Variants in CEP164 observed in about 807,000 individuals in gnomAD.
CEP164 encodes centrosomal protein of 164 kDa.
In CEP164, 162 loss-of-function variants were observed where a neutral mutation model predicts 182.7. The ratio of observed to expected loss-of-function variants is 0.89; its 90% CI spans 0.78 to 1.01. The LOEUF is 1.01. Ranked by LOEUF, CEP164 falls within the 50% of genes least tolerant of loss-of-function variation. The pLI, the probability that CEP164 is intolerant of heterozygous loss-of-function variation, is 0.00. For synonymous variants in CEP164, 661 were observed against 690.0 expected (o/e 0.96, Z 0.66); for missense variants, 1,735 against 1,790.4 (o/e 0.97, Z 0.56).
In CEP164 at chr11:117,409,116, C is replaced by A; in HGVS notation, c.3748+88C>A. ...TAGAAGAAGAGCTCTCTTCCCTCAG[C>A]CCTGCAGAGGGAGGCCTCTGTGAGC... is the stretch of plus-strand genomic sequence containing the variant. On this transcript the variant is annotated intron_variant, in intron 29 of 32. Coordinates refer to ENST00000278935, the MANE Select transcript of CEP164 (RefSeq NM_014956.5). This position sits in a 1 kb window ranked among gnomAD's most constrained non-coding sequence, Gnocchi z 4.4. The A allele has an allele frequency of 6.5e-7, 1 of 1,547,238 alleles. No individual in the cohort carries two copies. Among genetic ancestry groups the A allele is most frequent in the Non-Finnish European group, 8.8e-7 (1 of 1,138,408 alleles).
chr11:117,351,135 C>T (rs574548932), intron 4 of CEP164, among the ~76,000 whole-genome samples: 19 of 152,228 alleles, frequency 1.2e-4, no homozygotes, highest in Non-Finnish European at 2.2e-4. Flanking sequence ...CAGGTTCAAG[C>T]GATTCTCCTG....
Position 117,371,060 on chromosome 11 carries a change from C to A in CEP164, c.766-20C>A. 6.5e-7 allele frequency: 1 copy of A among 1,544,838 alleles called. No individual in the cohort carries two copies. Among genetic ancestry groups the A allele is most frequent in the Non-Finnish European group, 8.7e-7 (1 of 1,146,734 alleles). ...ACATTCCTTTTGTCTTCCTTTCTAACATGGTCTGTTGCTCCCTAGGAGTCT... is the reference window on the plus strand; with the variant it reads ...ACATTCCTTTTGTCTTCCTTTCTAAAATGGTCTGTTGCTCCCTAGGAGTCT... On this transcript the variant is annotated intron_variant, in intron 8 of 32. Transcript: ENST00000278935.
At chr11:117,370,302 G>T (rs543207071) in intron 8 of CEP164, among the ~76,000 whole-genome samples, 1 of 152,240 alleles carries the variant, frequency 6.6e-6, no homozygotes, top group South Asian at 2.1e-4. Flanking sequence ...GGACTCTCCT[G>T]ATAGTTTTTC....
chr11:117,342,053 T>G (rs1025672483), intron 3 of CEP164, among the ~76,000 whole-genome samples: 1 of 152,178 alleles, frequency 6.6e-6, no homozygotes, highest in Non-Finnish European at 1.5e-5. Context: ...CTACCTCATT[T>G]ACTTCCTTCT....
upstream of CEP164, among the ~76,000 whole-genome samples, chr11:117,325,967 A>T (rs1014546619): frequency 6.9e-6 from 1 of 144,134 alleles, no homozygotes; most frequent in Non-Finnish European, 1.5e-5. Context: ...CTGGAGTGCA[A>T]TGTCGAGACC....
intron 7 of CEP164, 59 bp downstream of exon 7, chr11:117,362,597 G>C: frequency 6.5e-7 from 1 of 1,548,318 alleles, no homozygotes; most frequent in Non-Finnish European, 8.7e-7. Context: ...TTTTCCTTTT[G>C]AAAATGTTTT....
chr11:117,368,888 G>A (rs189867698), intron 8 of CEP164, among the ~76,000 whole-genome samples: 1 of 152,290 alleles, frequency 6.6e-6, no homozygotes, highest in Admixed American at 6.5e-5. Flanking sequence ...GCACTGGCGG[G>A]TACCTGCATG....
intron 25 of CEP164, 83 bp from the exon 26 acceptor site, chr11:117,396,467 A>T (rs552209013): frequency 2.7e-5 from 30 of 1,128,576 alleles, no homozygotes; most frequent in Middle Eastern, 2.0e-4. Context: ...TGTCTAGACC[A>T]CTGGGAGGGG....
intron 3 of CEP164, among the ~76,000 whole-genome samples, chr11:117,340,269 G>A (rs971861565): frequency 2.0e-5 from 3 of 152,166 alleles, no homozygotes; most frequent in East Asian, 1.9e-4. Context: ...TGATCTCCCC[G>A]TCTTGGCCTC....
intron 27 of CEP164, among the ~76,000 whole-genome samples, chr11:117,401,155 C>T (rs958611946): frequency 7.2e-5 from 11 of 152,220 alleles, no homozygotes; most frequent in African/African-American, 1.2e-4. Flanking sequence ...TTTTGAGATA[C>T]GTTCCCTCAA....
intron 27 of CEP164, 103 bp downstream of exon 27, chr11:117,397,416 T>C: frequency 9.0e-7 from 1 of 1,110,334 alleles, no homozygotes; most frequent in Non-Finnish European, 1.3e-6. Flanking sequence ...TTCTCGGGAC[T>C]CCATGAGAGT....
At chr11:117,352,158 A>G (rs2039719742) in intron 5 of CEP164, among the ~76,000 whole-genome samples, 170 bp downstream of exon 5, 1 of 151,934 alleles carries the variant, frequency 6.6e-6, no homozygotes, top group Non-Finnish European at 1.5e-5. Flanking sequence ...TTTTTCTTTC[A>G]GCTTCTGGTA....
chr11:117,409,606 CTT>C lies in CEP164; in HGVS notation c.3749-9_3749-8del. ...TTGAGTCCCTTCCCACCATCCACCT[CTT>C]TTCTTTCAGTCGACTCAACCCCGAG... On this transcript the variant is annotated splice_polypyrimidine_tract_variant and intron_variant, in intron 29 of 32. Transcript: ENST00000278935. This position sits in a 1 kb window ranked among gnomAD's most constrained non-coding sequence, Gnocchi z 4.4. 6.3e-7 allele frequency: 1 copy of C among 1,598,206 alleles called. No homozygotes were observed. The highest frequency in any genetic ancestry group is 1.3e-5 in the African/African-American group (1 of 74,838).
intron 5 of CEP164, among the ~76,000 whole-genome samples, chr11:117,358,763 G>T (rs1279759759): frequency 6.6e-6 from 1 of 151,886 alleles, no homozygotes; most frequent in Non-Finnish European, 1.5e-5. Context: ...TGTACCCCTG[G>T]CCTAAAAGTG....
intron 1 of CEP164, among the ~76,000 whole-genome samples, chr11:117,333,640 C>T (rs150824490): frequency 7.2e-5 from 11 of 152,012 alleles, no homozygotes; most frequent in Non-Finnish European, 1.3e-4. Flanking sequence ...GTGATCCTCC[C>T]GCCTCAGTCT....
intron 9 of CEP164, among the ~76,000 whole-genome samples, chr11:117,373,379 G>C (rs2042419348): frequency 1.3e-5 from 2 of 151,722 alleles, no homozygotes; most frequent in African/African-American, 4.8e-5. Context: ...AAAAAAAAGA[G>C]CTTTTATCTA....
In CEP164 at chr11:117,409,914, G is replaced by A; in HGVS notation, c.4045G>A (p.Ala1349Thr). The A allele has an allele frequency of 6.2e-7, 1 of 1,614,122 alleles. No individual in the cohort carries two copies. The highest frequency in any genetic ancestry group is 8.5e-7 in the Non-Finnish European group (1 of 1,180,034). The stretch of plus-strand genomic sequence containing the variant: ...GGGGCCCAGGCTCCCCTCCTCTGTG[G>A]CTCAAACGGTGGACGACTTCCTGTT... ...GQGPRLPSSV[A>T]QTVDDFLLEK... The change falls in exon 30 of 33, where the codon GCT becomes ACT. Residue 1349 changes from alanine to threonine, a missense_variant. Physicochemically the swap from Ala to Thr is moderately conservative, Grantham distance 58. Transcript: ENST00000278935. This position sits in a 1 kb window ranked among gnomAD's most constrained non-coding sequence, Gnocchi z 4.4.
intron 5 of CEP164, 94 bp downstream of exon 5, chr11:117,352,082 A>G: frequency 3.8e-6 from 4 of 1,042,618 alleles, no homozygotes; most frequent in Non-Finnish European, 4.2e-6. Flanking sequence ...GAGGTTGAAG[A>G]CAACAGTCAG....
intron 14 of CEP164, among the ~76,000 whole-genome samples, chr11:117,384,299 A>G (rs2043690596): frequency 6.6e-6 from 1 of 152,240 alleles, no homozygotes; most frequent in South Asian, 2.1e-4. Flanking sequence ...TGTTGTCACC[A>G]TAACATTGCA....
Sources: gnomAD v4.1 joint callset for allele counts (sites outside exome capture counted in the v4.1 genomes callset) on GRCh38, gnomAD v4.1.1 for gene constraint, Gnocchi (gnomAD v3.1) non-coding constraint, MANE v1.5 for transcripts, NCBI Gene and HGNC (gene_info 2026-07-23, HGNC 2026-07-21) for gene names.